ATF7: variants seen among roughly 807,000 people sequenced by gnomAD.
ATF7 encodes activating transcription factor 7, also known as cyclic AMP-dependent transcription factor ATF-7.
ATF7 carries 10 observed loss-of-function variants against 50.4 expected under a neutral mutation model. The observed-to-expected ratio is 0.20, with a 90% confidence interval of 0.12 to 0.34. ATF7 has a LOEUF of 0.34. ATF7 is among the 10% of genes least tolerant of loss of function. ATF7 has a pLI of 1.00. For synonymous variants in ATF7, 201 were observed against 226.4 expected (o/e 0.89, Z 1.01); for missense variants, 465 against 613.9 (o/e 0.76, Z 2.56).
At chr12:53,622,759 G>A (rs1378674236) in intron 1 of ATF7, among the ~76,000 whole-genome samples, 1 of 152,058 alleles carries the variant, frequency 6.6e-6, no homozygotes, top group African/African-American at 2.4e-5. Context: ...GATGGCTTGA[G>A]CCTAGGAATT....
At chr12:53,547,070 CA>C (rs1287296423) in intron 3 of ATF7, among the ~76,000 whole-genome samples, 1 of 148,388 alleles carries the variant, frequency 6.7e-6, no homozygotes, top group Non-Finnish European at 1.5e-5. Context: ...CTGCAAGCTC[CA>C]CCTCCCGGGT....
chr12:53,613,460 T>C (rs1206658508), intron 1 of ATF7, among the ~76,000 whole-genome samples: 2 of 152,228 alleles, frequency 1.3e-5, no homozygotes, highest in Non-Finnish European at 2.9e-5. Flanking sequence ...ATTGCTAATA[T>C]GCTAAATATC....
intron 3 of ATF7, among the ~76,000 whole-genome samples, chr12:53,547,433 GCA>G (rs1940018552): frequency 6.6e-6 from 1 of 151,816 alleles, no homozygotes; most frequent in African/African-American, 2.4e-5. Context: ...TTTCAGGTGT[GCA>G]CCACCATGCC....
chr12:53,523,103 C>T (rs11170575), intron 11 of ATF7, 173 bp downstream of exon 11: 11,845 of 572,456 alleles, frequency 0.021, 573 homozygotes, highest in African/African-American at 0.13. Flanking sequence ...AGCTCTATAT[C>T]GTCTACAAAA....
At chr12:53,615,472 G>A (rs890860768) in intron 1 of ATF7, among the ~76,000 whole-genome samples, 3 of 152,150 alleles carry the variant, frequency 2.0e-5, no homozygotes, top group Admixed American at 6.5e-5. Flanking sequence ...AACCAACAAG[G>A]TGTTATTCAA....
chr12:53,517,534 G>A (rs1185185062), intron 11 of ATF7, 180 bp from the exon 12 acceptor site: 2 of 627,880 alleles, frequency 3.2e-6, no homozygotes, highest in Non-Finnish European at 2.7e-6. Flanking sequence ...CTAGGAAATG[G>A]GAAGTTGTAA....
chr12:53,529,734 C>CACACACACACACAT (rs1298379846), intron 9 of ATF7, among the ~76,000 whole-genome samples: 8 of 143,522 alleles, frequency 5.6e-5, no homozygotes, highest in African/African-American at 1.6e-4. Flanking sequence ...CACACACACA[C>CACACACACACACAT]ATATATATAT....
At chr12:53,613,089 C>A (rs1184177529) in intron 1 of ATF7, among the ~76,000 whole-genome samples, 1 of 152,166 alleles carries the variant, frequency 6.6e-6, no homozygotes, top group Non-Finnish European at 1.5e-5. Flanking sequence ...TGCATTTTAA[C>A]ATAGCAGTAC....
At chr12:53,606,492 C>T (rs1311186316) in intron 1 of ATF7, among the ~76,000 whole-genome samples, 1 of 152,140 alleles carries the variant, frequency 6.6e-6, no homozygotes, top group Non-Finnish European at 1.5e-5. Flanking sequence ...AGGTGATCCA[C>T]CCGCCTTGGT....
intron 11 of ATF7, among the ~76,000 whole-genome samples, chr12:53,521,399 AC>A (rs1938120083): frequency 6.6e-6 from 1 of 152,164 alleles, no homozygotes; most frequent in South Asian, 2.1e-4. Flanking sequence ...TGCTGCTATT[AC>A]GTCCCCTACT....
In ATF7 at chr12:53,517,300, T is replaced by C. The variant is rs778750390; in HGVS notation, c.1289A>G (p.His430Arg). ...ATTGCTAGGGGCTGTTGCTGAGCTGTGCTGAATCACAGGGGCTGGAGAACC... is the reference window on the plus strand; with the variant it reads ...ATTGCTAGGGGCTGTTGCTGAGCTGCGCTGAATCACAGGGGCTGGAGAACC... ...PTGSPAPVIQ[H>R]SSATAPSNGL... is the part of the protein sequence containing the mutation. The change falls in exon 12 of 12, where the codon CAC becomes CGC. Residue 430 changes from histidine to arginine, a missense_variant. By Grantham distance (29) the His-to-Arg change is conservative. Coordinates refer to ENST00000420353, the MANE Select transcript of ATF7 (RefSeq NM_006856.3). 1.9e-6 allele frequency: 3 copies of C among 1,614,006 alleles called. No individual in the cohort carries two copies. The South Asian group carries it at 3.3e-5, about 18-fold the overall frequency.
chr12:53,516,931 C>T lies in ATF7; in HGVS notation c.*206G>A. The T allele has an allele frequency of 1.6e-6, 1 of 617,858 alleles. No homozygotes were observed. Among genetic ancestry groups the T allele is most frequent in the Non-Finnish European group, 2.8e-6 (1 of 353,268 alleles). The allele number at this position is 617,858 out of a possible 1,614,324, so 38.3% of individuals were successfully genotyped here. A position where few individuals can be genotyped will look rare whatever the true frequency, so the allele number is the denominator to read the frequency against. On this transcript the variant is annotated 3_prime_UTR_variant, in exon 12 of 12. Transcript: ENST00000420353. ...CCACCCTGGGGGATGATCTATGAGGCTCCGGGGCTGGGAGGCCCCCAGCAC... is the reference window on the plus strand; with the variant it reads ...CCACCCTGGGGGATGATCTATGAGGTTCCGGGGCTGGGAGGCCCCCAGCAC...
At chr12:53,600,538 G>T (rs969844808) in intron 2 of ATF7, among the ~76,000 whole-genome samples, 1 of 151,958 alleles carries the variant, frequency 6.6e-6, no homozygotes, top group Non-Finnish European at 1.5e-5. Context: ...TGGGGTTTTG[G>T]CCAGGCTGGT....
intron 2 of ATF7, among the ~76,000 whole-genome samples, chr12:53,583,524 A>G (rs1942533065): frequency 6.6e-6 from 1 of 151,978 alleles, no homozygotes; most frequent in South Asian, 2.1e-4. Context: ...AGTACACAAT[A>G]AATGTAATTT....
At chr12:53,595,740 A>C (rs762992379) in intron 2 of ATF7, among the ~76,000 whole-genome samples, 9 of 152,214 alleles carry the variant, frequency 5.9e-5, no homozygotes, top group Non-Finnish European at 1.2e-4. Flanking sequence ...AGGAGGTACA[A>C]GAAGCTGCCC....
At chr12:53,549,699 C>T (rs1283907353) in intron 3 of ATF7, among the ~76,000 whole-genome samples, 2 of 152,142 alleles carry the variant, frequency 1.3e-5, no homozygotes, top group Admixed American at 6.5e-5. Context: ...CCTGCCTCAG[C>T]CTCAGCCTGC....
rs1939109051 is a variant in ATF7, at chr12:53,534,597, G to A, written c.465C>T (p.Ser155=). The A allele has an allele frequency of 1.9e-6, 3 of 1,613,642 alleles. No individual in the cohort carries two copies. Among genetic ancestry groups the A allele is most frequent in the Non-Finnish European group, 2.5e-6 (3 of 1,179,832 alleles). The change falls in exon 6 of 12, where the codon TCC becomes TCT. Residue 155 remains serine, a synonymous_variant. Transcript: ENST00000420353. Reference sequence around the variant, plus strand: ...GATCATAGCCCAAGTGGAGAGGCAGGGAGCCAGGACGTACAATGGTGGGTG... The same window carrying A: ...GATCATAGCCCAAGTGGAGAGGCAGAGAGCCAGGACGTACAATGGTGGGTG... ...TPTPTIVRPG[S]LPLHLGYDPL...
chr12:53,584,110 A>C (rs1357469529), intron 2 of ATF7, among the ~76,000 whole-genome samples: 1 of 152,146 alleles, frequency 6.6e-6, no homozygotes, highest in Admixed American at 6.5e-5. Flanking sequence ...CCTCCTGAGT[A>C]GCTGGGACTA....
Position 53,531,759 on chromosome 12 carries a change from G to T in ATF7, c.912C>A (p.Ser304=), listed in dbSNP as rs550956676. The change falls in exon 9 of 12, where the codon TCC becomes TCA. Residue 304 remains serine, a synonymous_variant. Coordinates refer to ENST00000420353, the MANE Select transcript of ATF7 (RefSeq NM_006856.3). ...AGCCACTGACCTGTGGCTGGGCAGG[G>T]GATGGGGCATCAGGGTGCTGGATGA... ...QILIQHPDAP[S]PAQPQVSPAQ... The T allele has an allele frequency of 6.2e-7, 1 of 1,611,674 alleles. No homozygotes were observed. The highest frequency in any genetic ancestry group is 1.3e-5 in the African/African-American group (1 of 75,024).
Sources: gnomAD v4.1 joint callset for allele counts (sites outside exome capture counted in the v4.1 genomes callset) on GRCh38, gnomAD v4.1.1 for gene constraint, MANE v1.5 for transcripts, NCBI Gene and HGNC (gene_info 2026-07-23, HGNC 2026-07-21) for gene names.